The following ENPP3 variants were observed in gnomAD, a reference collection of about 807,000 sequenced individuals.
The protein encoded by ENPP3 is ectonucleotide pyrophosphatase/phosphodiesterase family member 3.
ENPP3 carries 104 observed loss-of-function variants against 117.8 expected under a neutral mutation model. That is an observed-to-expected ratio of 0.88 (90% CI 0.75 to 1.04). The LOEUF is 1.04. Among genes scored for constraint, ENPP3 ranks in the 50% least tolerant of loss-of-function variants. The pLI, the probability that ENPP3 is intolerant of heterozygous loss-of-function variation, is 0.00. For missense variants in ENPP3, 1,026 were observed against 1,051.9 expected (o/e 0.98, Z 0.34); for synonymous variants, 380 against 349.9 (o/e 1.09, Z -0.96).
intron 6 of ENPP3, 109 bp from the exon 7 acceptor site, chr6:131,671,139 T>G: frequency 1.4e-6 from 1 of 715,066 alleles, no homozygotes. Context: ...TTAATCCACT[T>G]TTTAGTTTGT....
chr6:131,660,271 G>A (rs927728651), intron 6 of ENPP3, among the ~76,000 whole-genome samples: 13 of 152,300 alleles, frequency 8.5e-5, no homozygotes, highest in Non-Finnish European at 1.9e-4. Flanking sequence ...TTGCTATTAA[G>A]GGAGCCCAGG....
intron 11 of ENPP3, among the ~76,000 whole-genome samples, chr6:131,682,163 A>T (rs1312103370): frequency 6.6e-6 from 1 of 152,012 alleles, no homozygotes; most frequent in Non-Finnish European, 1.5e-5. Flanking sequence ...CTTTTCATGG[A>T]TATAGAGTAA....
intron 8 of ENPP3, 154 bp downstream of exon 8, chr6:131,674,435 G>A: frequency 1.4e-6 from 1 of 716,912 alleles, no homozygotes; most frequent in Non-Finnish European, 2.5e-6. Flanking sequence ...TTTGTAACTT[G>A]AATTTTTAAA....
intron 6 of ENPP3, among the ~76,000 whole-genome samples, chr6:131,659,722 AG>A (rs1477290764): frequency 1.1e-4 from 17 of 152,266 alleles, no homozygotes; most frequent in African/African-American, 4.1e-4. Context: ...TCTTTAGCAA[AG>A]AGACTGTTTT....
intron 12 of ENPP3, among the ~76,000 whole-genome samples, chr6:131,684,033 G>C (rs1425212315): frequency 6.6e-6 from 1 of 152,058 alleles, no homozygotes; most frequent in East Asian, 1.9e-4. Context: ...TTACAGGAGT[G>C]CGCCACCGGG....
intron 8 of ENPP3, 97 bp from the exon 9 acceptor site, chr6:131,674,983 C>A: frequency 1.5e-6 from 1 of 686,790 alleles, no homozygotes; most frequent in South Asian, 1.8e-5. Flanking sequence ...AATTTTAATA[C>A]ATGTTGCAAC....
At chr6:131,686,291 A>T (rs1295574065) in intron 14 of ENPP3, among the ~76,000 whole-genome samples, 2 of 152,170 alleles carry the variant, frequency 1.3e-5, no homozygotes, top group African/African-American at 4.8e-5. Context: ...CAAAAAGATA[A>T]TCTCTTTACT....
Position 131,674,293 on chromosome 6 carries a change from T to C in ENPP3, c.762+12T>C, listed in dbSNP as rs1778816890. 1 of 1,613,288 alleles carries C rather than the reference T, an allele frequency of 6.2e-7. No homozygotes were observed. The highest frequency in any genetic ancestry group is 1.7e-5 in the Admixed American group (1 of 59,982). On this transcript the variant is annotated intron_variant, in intron 8 of 24. Coordinates refer to ENST00000357639, the MANE Select transcript of ENPP3 (RefSeq NM_005021.5). Reference sequence around the variant, plus strand: ...GGCATGGGCAACCAGTATGTAGCATTCTACACGTCGCAACTGAAGTAACCT... The same window carrying C: ...GGCATGGGCAACCAGTATGTAGCATCCTACACGTCGCAACTGAAGTAACCT...
rs758457049 is a variant in ENPP3, at chr6:131,683,100, T to G, written c.1058T>G (p.Met353Arg). The G allele has an allele frequency of 1.7e-5, 27 of 1,612,878 alleles. No homozygotes were observed. The highest frequency in any genetic ancestry group is 2.2e-5 in the Non-Finnish European group (26 of 1,179,012). Residue 353 changes from methionine to arginine, a missense_variant, in exon 12 of 25, where the codon ATG becomes AGG. By Grantham distance (91) the Met-to-Arg change is moderately conservative. Transcript: ENST00000357639. ...GTAGATCATGCTTTTGGGATGTTGA[T>G]GGAAGGCCTGAAGCAGCGGAATTTG... ...QVVDHAFGML[M>R]EGLKQRNLHN...
intron 5 of ENPP3, among the ~76,000 whole-genome samples, chr6:131,657,595 G>A (rs999927265): frequency 2.0e-5 from 3 of 152,104 alleles, no homozygotes; most frequent in African/African-American, 7.2e-5. Context: ...ACATAATGTC[G>A]AGTAAAAGAA....
At chr6:131,725,054 CA>C (rs34304450) in intron 19 of ENPP3, among the ~76,000 whole-genome samples, 9,623 of 87,408 alleles carry the variant, frequency 0.11, 442 homozygotes, top group African/African-American at 0.17. Context: ...ACTAAAAATA[CA>C]AAAAAAAAAA....
rs558388505 is a variant in ENPP3, at chr6:131,653,613, G to A, written c.464+722G>A. On this transcript the variant is annotated intron_variant, in intron 5 of 24. Transcript: ENST00000357639. ...TTTTTTTAAATAAAGATAGGGTCTC[G>A]CAATGTTGGCTAGGTTGATCTTGAT... 2.9e-4 allele frequency among the ~76,000 whole-genome samples: 44 copies of A among 151,968 alleles called. No homozygotes were observed. In the South Asian group the frequency reaches 7.3e-3, roughly 25 times the overall value.
chr6:131,736,400 A>G (rs1780397634), intron 21 of ENPP3, among the ~76,000 whole-genome samples: 1 of 152,202 alleles, frequency 6.6e-6, no homozygotes, highest in Non-Finnish European at 1.5e-5. Context: ...GAGCAAAGAG[A>G]TATCTTACAT....
At chr6:131,739,302 T>C (rs1197223246) in intron 23 of ENPP3, among the ~76,000 whole-genome samples, 2 of 152,082 alleles carry the variant, frequency 1.3e-5, no homozygotes, top group Non-Finnish European at 2.9e-5. Flanking sequence ...CACTTTCATG[T>C]TCGTTATCTG....
chr6:131,735,348 G>A (rs965587042), intron 21 of ENPP3, among the ~76,000 whole-genome samples: 1 of 152,132 alleles, frequency 6.6e-6, no homozygotes, highest in Non-Finnish European at 1.5e-5. Context: ...AGTTAAAAAG[G>A]TAGAAGAGGC....
intron 17 of ENPP3, among the ~76,000 whole-genome samples, chr6:131,721,217 A>G (rs1780012424): frequency 6.6e-6 from 1 of 152,228 alleles, no homozygotes; most frequent in Non-Finnish European, 1.5e-5. Context: ...TTTACCTAGC[A>G]AGGCAATGAG....
chr6:131,715,369 CCCTT>C (rs1288050961), intron 15 of ENPP3, among the ~76,000 whole-genome samples: 1 of 135,168 alleles, frequency 7.4e-6, no homozygotes, highest in Admixed American at 7.5e-5. Flanking sequence ...CCTGGGTTGC[CCCTT>C]CCTTCCTGTG....
intron 12 of ENPP3, among the ~76,000 whole-genome samples, chr6:131,685,014 G>A (rs1487163208): frequency 6.6e-6 from 1 of 152,096 alleles, no homozygotes; most frequent in Non-Finnish European, 1.5e-5. Flanking sequence ...TGAACTCCTG[G>A]CCTCAAGTGA....
intron 14 of ENPP3, among the ~76,000 whole-genome samples, chr6:131,691,751 G>T (rs1198722926): frequency 6.6e-6 from 1 of 152,098 alleles, no homozygotes; most frequent in Non-Finnish European, 1.5e-5. Context: ...CAAAGTCCAG[G>T]AAAGTGTGAC....
Sources: gnomAD v4.1 joint callset for allele counts (sites outside exome capture counted in the v4.1 genomes callset) on GRCh38, gnomAD v4.1.1 for gene constraint, MANE v1.5 for transcripts, NCBI Gene and HGNC (gene_info 2026-07-23, HGNC 2026-07-21) for gene names.